Variants in TOP3B observed in about 807,000 individuals in gnomAD.
TOP3B encodes the protein DNA topoisomerase 3-beta-1.
A neutral mutation model predicts 93.9 loss-of-function variants in TOP3B; 45 were observed. The ratio of observed to expected loss-of-function variants is 0.48; its 90% CI spans 0.38 to 0.61. TOP3B has a LOEUF of 0.61. Ranked by LOEUF, TOP3B falls within the 20% of genes least tolerant of loss-of-function variation. The pLI is 0.00. For synonymous variants in TOP3B, 357 were observed against 472.6 expected (o/e 0.76, Z 3.17); for missense variants, 750 against 1,156.1 (o/e 0.65, Z 5.09).
In TOP3B at chr22:21,971,863, A is replaced by C. The variant is rs780511314; in HGVS notation, c.384+14T>G. 2.5e-6 allele frequency: 4 copies of C among 1,613,490 alleles called. No individual in the cohort carries two copies. In the East Asian group the frequency reaches 8.9e-5, roughly 36 times the overall value. ...AAGGCCAAAAGTGAGGAACAAAGTG[A>C]GCCTCACACTCACCTCAAAGCAGAT... On this transcript the variant is annotated intron_variant, in intron 5 of 17. Transcript: ENST00000357179. The surrounding 1 kb of genome is among the most constrained non-coding windows in gnomAD (Gnocchi z 4.6).
rs755910698 is a variant in TOP3B at position 21,968,798 on chromosome 22, T to C, written c.582-23A>G. The C allele has an allele frequency of 1.3e-5, 21 of 1,613,634 alleles. No homozygotes were observed. The Admixed American group carries it at 3.2e-4, about 24-fold the overall frequency. On this transcript the variant is annotated intron_variant, in intron 6 of 17. Coordinates refer to ENST00000357179, the MANE Select transcript of TOP3B (RefSeq NM_001282112.2). ...AACCTGGAGGGAGTGGAAAGATATT[T>C]TGGTCACTGATTCACTCAAGACACT... is the stretch of plus-strand genomic sequence containing the variant.
rs1301232141 is a variant in TOP3B at position 21,971,479 on chromosome 22, G to C, written c.384+398C>G. On this transcript the variant is annotated intron_variant, in intron 5 of 17. Transcript: ENST00000357179. This position sits in a 1 kb window ranked among gnomAD's most constrained non-coding sequence, Gnocchi z 4.6. ...ATGAGGCAGGAGATGAGCAGAGCGA[G>C]GCCTGCAAAAGGAGCTCAGTGCTGA... 3.0e-6 allele frequency: 1 copy of C among 336,202 alleles called. No homozygotes were observed. Among genetic ancestry groups the C allele is most frequent in the African/African-American group, 2.2e-5 (1 of 46,248 alleles). The allele number at this position is 336,202 out of a possible 1,614,324, so 20.8% of individuals were successfully genotyped here.
intron 13 of TOP3B, chr22:21,960,766 G>A (rs1381693801): frequency 6.1e-6 from 2 of 327,780 alleles, no homozygotes; most frequent in East Asian, 6.3e-5. Flanking sequence ...TGGAAAATGT[G>A]ACTTCTATGG....
chr22:21,979,777 T>TA (rs1412683713), intron 1 of TOP3B, among the ~76,000 whole-genome samples: 1 of 150,608 alleles, frequency 6.6e-6, no homozygotes, highest in Non-Finnish European at 1.5e-5. Context: ...CCGTCTCTAC[T>TA]AAAAATACTA....
In TOP3B at chr22:21,968,785, G is replaced by A; in HGVS notation, c.582-10C>T. 4.3e-6 allele frequency: 7 copies of A among 1,614,002 alleles called. No homozygotes were observed. The highest frequency in any genetic ancestry group is 5.9e-6 in the Non-Finnish European group (7 of 1,179,894). The stretch of plus-strand genomic sequence containing the variant: ...ATATTTAGTCTGAAACCTGGAGGGA[G>A]TGGAAAGATATTTTGGTCACTGATT... On this transcript the variant is annotated splice_polypyrimidine_tract_variant and intron_variant, in intron 6 of 17. Coordinates refer to ENST00000357179, the MANE Select transcript of TOP3B (RefSeq NM_001282112.2).
intron 7 of TOP3B, chr22:21,968,379 C>G (rs979603821): frequency 4.3e-5 from 22 of 517,294 alleles, no homozygotes; most frequent in Non-Finnish European, 6.5e-5. Context: ...TCACCCTGCA[C>G]TGCCAGAGCT....
Position 21,958,650 on chromosome 22 carries a change from TAG to T in TOP3B, c.1947_1948del (p.Tyr650HisfsTer20), listed in dbSNP as rs777609868. On this transcript the variant is annotated frameshift_variant, in exon 17 of 18. Transcript: ENST00000357179. LOFTEE classifies it high-confidence loss of function. ...GATGGTGCCGTTCTGGGGGAGCGTG[TAG>T]GTCTCATCGCAGTGGGAGCAGTGCA... is the stretch of plus-strand genomic sequence containing the variant. 1.2e-6 allele frequency: 2 copies of T among 1,613,198 alleles called. No individual in the cohort carries two copies. Among genetic ancestry groups the T allele is most frequent in the Non-Finnish European group, 1.7e-6 (2 of 1,179,636 alleles).
rs116216044 is a variant in TOP3B, at chr22:21,974,457, C to T, written c.102G>A (p.Gly34=). 27 of 1,613,038 alleles carry T rather than the reference C, an allele frequency of 1.7e-5. No individual in the cohort carries two copies. The Admixed American group carries it at 2.5e-4, about 15-fold the overall frequency. Residue 34 remains glycine, a synonymous_variant, in exon 3 of 18, where the codon GGG becomes GGA. Transcript: ENST00000357179. Reference sequence around the variant, plus strand: ...CAGTGTACTCGTGGACTGAGCAGGCCCCGTTCAGCCCTTTGTGTGAGGACA... The same window carrying T: ...CAGTGTACTCGTGGACTGAGCAGGCTCCGTTCAGCCCTTTGTGTGAGGACA... ...GSLSSHKGLN[G]ACSVHEYTGT...
intron 1 of TOP3B, among the ~76,000 whole-genome samples, chr22:21,977,911 GGGA>G (rs2071947160): frequency 6.6e-6 from 1 of 152,104 alleles, no homozygotes; most frequent in African/African-American, 2.4e-5. Context: ...GCTGTAGTAT[GGGA>G]GCAGGGGAGG....
intron 3 of TOP3B, 90 bp downstream of exon 3, chr22:21,974,267 C>G: frequency 6.7e-7 from 1 of 1,491,094 alleles, no homozygotes; most frequent in Non-Finnish European, 9.0e-7. Context: ...GACAAACTTC[C>G]CTGCCTAGAG....
At position 21,971,542 on chromosome 22, in the gene TOP3B, G is replaced by T; in HGVS notation, c.384+335C>A. 1 of 380,622 alleles carries T rather than the reference G, an allele frequency of 2.6e-6. No homozygotes were observed. The highest frequency in any genetic ancestry group is 5.1e-6 in the Non-Finnish European group (1 of 197,970). The allele number at this position is 380,622 out of a possible 1,614,324, so 23.6% of individuals were successfully genotyped here. The stretch of plus-strand genomic sequence containing the variant: ...ACCAGCATCAACCCAAGGTCCCTGA[G>T]AAGTCACGCTGGGCACAAGATGCTG... On this transcript the variant is annotated intron_variant, in intron 5 of 17. Coordinates refer to ENST00000357179, the MANE Select transcript of TOP3B (RefSeq NM_001282112.2). The surrounding 1 kb of genome is among the most constrained non-coding windows in gnomAD (Gnocchi z 4.6).
intron 1 of TOP3B, chr22:21,976,822 G>A (rs984327006): frequency 3.3e-5 from 5 of 151,862 alleles, no homozygotes; most frequent in African/African-American, 1.2e-4. Flanking sequence ...ATGTAGCACT[G>A]ATGTTTATAA....
intron 8 of TOP3B, chr22:21,966,684 G>A (rs1274779866): frequency 6.6e-6 from 1 of 152,216 alleles, no homozygotes; most frequent in Non-Finnish European, 1.5e-5. Flanking sequence ...TTTTGCCTAT[G>A]GCAAAAACAA....
rs774717600 is a variant in TOP3B, at chr22:21,962,411, C to A, written c.1525+18G>T. On this transcript the variant is annotated intron_variant, in intron 13 of 17. Coordinates refer to ENST00000357179, the MANE Select transcript of TOP3B (RefSeq NM_001282112.2). ...CTGGAGACGGAGCCGGCTCTGGGGC[C>A]TGGGCAGGCGCACCCACCGATGCCA... The A allele has an allele frequency of 6.2e-7, 1 of 1,612,982 alleles. No homozygotes were observed. The highest frequency in any genetic ancestry group is 1.1e-5 in the South Asian group (1 of 91,076).
Position 21,971,509 on chromosome 22 carries a change from G to A in TOP3B, c.384+368C>T, listed in dbSNP as rs996893832. 9 of 354,118 alleles carry A rather than the reference G, an allele frequency of 2.5e-5. No individual in the cohort carries two copies. Among genetic ancestry groups the A allele is most frequent in the African/African-American group, 4.3e-5 (2 of 46,768 alleles). The allele number at this position is 354,118 out of a possible 1,614,324, so 21.9% of individuals were successfully genotyped here. On this transcript the variant is annotated intron_variant, in intron 5 of 17. Coordinates refer to ENST00000357179, the MANE Select transcript of TOP3B (RefSeq NM_001282112.2). The surrounding 1 kb of genome is among the most constrained non-coding windows in gnomAD (Gnocchi z 4.6). ...GCAAAAGGAGCTCAGTGCTGAGGTC[G>A]GGAATCAACCAGCATCAACCCAAGG...
chr22:21,967,904 T>C (rs1349739717), intron 7 of TOP3B, 188 bp from the exon 8 acceptor site: 3 of 568,010 alleles, frequency 5.3e-6, no homozygotes, highest in African/African-American at 1.9e-5. Context: ...TCTCCACCAC[T>C]TGCCCCAAAA....
chr22:21,958,024 G>A (rs1471947134), intron 17 of TOP3B: 3 of 1,321,752 alleles, frequency 2.3e-6, no homozygotes, highest in East Asian at 4.7e-5. Flanking sequence ...TTTCTGCAGA[G>A]CACACGGTGA....
chr22:21,972,108 C>T (rs1053038789), intron 4 of TOP3B, 157 bp from the exon 5 acceptor site: 2 of 591,236 alleles, frequency 3.4e-6, no homozygotes, highest in Non-Finnish European at 5.9e-6. Context: ...TGTGTTGAGG[C>T]TGGCTCAGCC....
intron 4 of TOP3B, 167 bp downstream of exon 4, chr22:21,972,445 G>A (rs928405807): frequency 1.7e-6 from 1 of 578,364 alleles, no homozygotes; most frequent in Non-Finnish European, 3.0e-6. Context: ...GTGTGTTGGG[G>A]GTGCCTGCAG....
Sources: allele counts gnomAD v4.1 joint callset (sites outside exome capture counted in the v4.1 genomes callset), GRCh38; gene constraint gnomAD v4.1.1; non-coding constraint Gnocchi (gnomAD v3.1); transcripts MANE v1.5; gene names NCBI Gene and HGNC (gene_info 2026-07-23, HGNC 2026-07-21).